SNCAIP: variants seen among roughly 807,000 people sequenced by gnomAD.
The protein encoded by SNCAIP is synphilin-1.
Under a neutral mutation model 86.7 loss-of-function variants are expected in SNCAIP, and 43 were observed. The observed-to-expected ratio is 0.50, with a 90% CI of 0.39 to 0.64. The LOEUF (loss-of-function observed/expected upper bound fraction) is 0.64. Ranked by LOEUF, SNCAIP falls within the 30% of genes least tolerant of loss-of-function variation. The probability of loss-of-function intolerance (pLI) is 0.00; values close to 1 mark genes in which losing one functional copy is unlikely to be tolerated. For synonymous variants in SNCAIP, 417 were observed against 427.2 expected, an observed-to-expected ratio of 0.98 and a Z score of 0.29; for missense variants, 981 against 1,103.1, an observed-to-expected ratio of 0.89 and a Z score of 1.57.
intron 1 of SNCAIP, among the ~76,000 whole-genome samples, chr5:122,348,126 A>G (rs1339999978): frequency 6.6e-6 from 1 of 152,180 alleles, no homozygotes; most frequent in African/African-American, 2.4e-5. Context: ...TACAGATTTC[A>G]AAGGACATAT....
upstream of SNCAIP, chr5:122,311,800 T>A (rs1219918775): frequency 6.6e-6 from 1 of 152,282 alleles, no homozygotes; most frequent in African/African-American, 2.4e-5. Flanking sequence ...AAGAGCAGGT[T>A]CGTGGACAGG....
intron 2 of SNCAIP, among the ~76,000 whole-genome samples, chr5:122,396,659 C>A (rs750714287): frequency 6.6e-6 from 1 of 152,126 alleles, no homozygotes; most frequent in Non-Finnish European, 1.5e-5. Context: ...TTGCTATGCT[C>A]TCAAAGTGTG....
intron 1 of SNCAIP, among the ~76,000 whole-genome samples, chr5:122,323,939 C>A (rs1262448413): frequency 1.3e-5 from 2 of 152,130 alleles, no homozygotes; most frequent in East Asian, 3.9e-4. Flanking sequence ...TTTAAAAATG[C>A]AAAGATGATT....
In SNCAIP at chr5:122,391,169, T is replaced by C. The variant is rs754259498; in HGVS notation, c.35T>C (p.Ile12Thr). The C allele has an allele frequency of 6.2e-7, 1 of 1,611,122 alleles. No individual in the cohort carries two copies. The highest frequency in any genetic ancestry group is 8.5e-7 in the Non-Finnish European group (1 of 1,177,296). ...CCTGAATACCTTGATTTGGATGAAA[T>C]TGACTTTAGTGATGACATATCTGTA... ...EAPEYLDLDE[I>T]DFSDDISYSV... The change falls in exon 2 of 11, where the codon ATT (isoleucine) becomes ACT (threonine). Residue 12 changes from isoleucine to threonine, a missense_variant. Coordinates refer to ENST00000261368, the MANE Select transcript of SNCAIP (RefSeq NM_005460.4).
At chr5:122,458,000 C>G (rs991015034) in intron 10 of SNCAIP, among the ~76,000 whole-genome samples, 16 of 152,286 alleles carry the variant, frequency 1.1e-4, no homozygotes, top group Admixed American at 7.2e-4. Context: ...TGGCAGAGTT[C>G]CCAAGATGGA....
chr5:122,445,502 G>A (rs916702599), intron 8 of SNCAIP, among the ~76,000 whole-genome samples: 7 of 152,048 alleles, frequency 4.6e-5, no homozygotes, highest in African/African-American at 1.7e-4. Context: ...GTCAGCCCTT[G>A]AAAAGCTCAC....
At chr5:122,408,295 T>G (rs1773424321) in intron 3 of SNCAIP, among the ~76,000 whole-genome samples, 1 of 152,188 alleles carries the variant, frequency 6.6e-6, no homozygotes, top group South Asian at 2.1e-4. Context: ...CCATTCTGCC[T>G]GCTTCCTGAG....
intron 1 of SNCAIP, among the ~76,000 whole-genome samples, chr5:122,372,308 T>C (rs1408227877): frequency 6.6e-6 from 1 of 152,192 alleles, no homozygotes; most frequent in South Asian, 2.1e-4. Context: ...CCAGTTTCCA[T>C]GGTGTAAATA....
At chr5:122,396,005 A>G (rs868300323) in intron 2 of SNCAIP, among the ~76,000 whole-genome samples, 1 of 151,694 alleles carries the variant, frequency 6.6e-6, no homozygotes, top group African/African-American at 2.4e-5. Context: ...CCTTCCTAGC[A>G]GTCGCCCTGT....
chr5:122,414,530 A>G (rs1774887888), intron 3 of SNCAIP, among the ~76,000 whole-genome samples: 1 of 152,164 alleles, frequency 6.6e-6, no homozygotes, highest in Admixed American at 6.5e-5. Context: ...TTGCCCAGCC[A>G]TAAATTACTT....
intron 5 of SNCAIP, among the ~76,000 whole-genome samples, chr5:122,428,732 A>T (rs1171589044): frequency 6.6e-6 from 1 of 151,902 alleles, no homozygotes; most frequent in Non-Finnish European, 1.5e-5. Flanking sequence ...TCCTAATGCT[A>T]TCCCTTCCCC....
chr5:122,443,309 T>C (rs1326312174), intron 7 of SNCAIP, among the ~76,000 whole-genome samples: 1 of 152,220 alleles, frequency 6.6e-6, no homozygotes, highest in African/African-American at 2.4e-5. Flanking sequence ...AAAGAATCTA[T>C]CAGATTGTAG....
chr5:122,379,576 G>A (rs1371607453), intron 1 of SNCAIP, among the ~76,000 whole-genome samples: 8 of 149,250 alleles, frequency 5.4e-5, no homozygotes, highest in South Asian at 2.2e-4. Context: ...CCAACACTAC[G>A]TTGAATAGGA....
In SNCAIP at chr5:122,447,290, AC is replaced by A. The variant is rs147045592; in HGVS notation, c.1593-2554del. On this transcript the variant is annotated intron_variant, in intron 8 of 10. Coordinates refer to ENST00000261368, the MANE Select transcript of SNCAIP (RefSeq NM_005460.4). ...AGCCTCCAGAGCTGTGCGATAATAA[AC>A]TTCTATTGTCTAAGCCACCCAGTTT... Among the ~76,000 whole-genome samples, 598 of 152,242 alleles carry A rather than the reference AC, an allele frequency of 3.9e-3. 1 individual carries two copies. The highest frequency in any genetic ancestry group is 8.8e-3 in the Admixed American group (135 of 15,288).
At position 122,451,188 on chromosome 5, in the gene SNCAIP, C is replaced by T; in HGVS notation, c.2341C>T (p.Pro781Ser). The T allele has an allele frequency of 1.9e-6, 3 of 1,614,104 alleles. No individual in the cohort carries two copies. Among genetic ancestry groups the T allele is most frequent in the East Asian group, 2.2e-5 (1 of 44,878 alleles). The change falls in exon 10 of 11, where the codon CCC (proline) becomes TCC (serine). Residue 781 changes from proline to serine, a missense_variant. Physicochemically the swap from Pro to Ser is moderately conservative, Grantham distance 74 (BLOSUM62 -1). Transcript: ENST00000261368. ...PNQPSGDPQQ[P>S]SPDSTAAQKV... ...CCAGCCCTCTGGTGACCCTCAGCAGCCCAGCCCTGACAGTACTGCTGCCCA... is the reference window on the plus strand; with the variant it reads ...CCAGCCCTCTGGTGACCCTCAGCAGTCCAGCCCTGACAGTACTGCTGCCCA...
intron 1 of SNCAIP, chr5:122,312,604 T>C (rs1750830525): frequency 6.6e-6 from 1 of 152,342 alleles, no homozygotes; most frequent in South Asian, 2.1e-4. Flanking sequence ...GTGGTTCTTA[T>C]TCTTGCTGTC....
In SNCAIP at chr5:122,418,686, A is replaced by G. The variant is rs1395883404; in HGVS notation, c.131-4182A>G. Among the ~76,000 whole-genome samples the G allele has an allele frequency of 3.3e-5, 5 of 152,204 alleles. No individual in the cohort carries two copies. In the East Asian group the frequency reaches 9.6e-4, roughly 29 times the overall value. The stretch of plus-strand genomic sequence containing the variant: ...TCTCCTTATATTAATTAGTAAGAAA[A>G]AAGAGAATTTGAAAGGCCAATAGCA... On this transcript the variant is annotated intron_variant, in intron 3 of 10. Coordinates refer to ENST00000261368, the MANE Select transcript of SNCAIP (RefSeq NM_005460.4).
At chr5:122,371,201 G>C (rs1016108193) in intron 1 of SNCAIP, among the ~76,000 whole-genome samples, 3 of 151,974 alleles carry the variant, frequency 2.0e-5, no homozygotes, top group South Asian at 4.1e-4. Context: ...CAGTGACTTG[G>C]GAGGCTGAAG....
intron 1 of SNCAIP, chr5:122,371,464 G>C (rs1311787639): frequency 6.6e-6 from 1 of 152,182 alleles, no homozygotes; most frequent in African/African-American, 2.4e-5. Flanking sequence ...ATGAGGTACA[G>C]AGGTGTAAAC....
Sources: gnomAD v4.1 joint callset for allele counts (sites outside exome capture counted in the v4.1 genomes callset) on GRCh38, gnomAD v4.1.1 for gene constraint, MANE v1.5 for transcripts, NCBI Gene and HGNC (gene_info 2026-07-23, HGNC 2026-07-21) for gene names.